The following SPATA7 variants were observed in gnomAD, a reference collection of about 807,000 sequenced individuals.
SPATA7 encodes spermatogenesis-associated protein 7.
SPATA7 carries 43 observed loss-of-function variants against 51.8 expected under a neutral mutation model. That is an observed-to-expected ratio of 0.83 (90% CI 0.65 to 1.07). The LOEUF (loss-of-function observed/expected upper bound fraction) is 1.07. Ranked by LOEUF, SPATA7 falls within the 50% of genes least tolerant of loss-of-function variation. SPATA7 has a pLI of 0.00. For synonymous variants in SPATA7, 230 were observed against 252.8 expected (o/e 0.91, Z 0.86); for missense variants, 683 against 701.3 (o/e 0.97, Z 0.30).
chr14:88,444,357 T>A (rs973923231), intron 3 of SPATA7, among the ~76,000 whole-genome samples: 20 of 152,164 alleles, frequency 1.3e-4, no homozygotes, highest in East Asian at 5.8e-4. Context: ...TAAATTTGTT[T>A]GAGTTCGTTG....
intron 3 of SPATA7, among the ~76,000 whole-genome samples, chr14:88,447,243 C>T (rs1235256724): frequency 6.7e-6 from 1 of 150,162 alleles, no homozygotes; most frequent in East Asian, 1.9e-4. Context: ...ATGTAATGGC[C>T]TTCTTTGTCT....
intron 4 of SPATA7, chr14:88,415,216 C>CTTG (rs201293945): frequency 0.017 from 6,011 of 348,486 alleles, 324 homozygotes; most frequent in African/African-American, 0.12. Flanking sequence ...TCTAGAAGTA[C>CTTG]TTGTATGAAT....
At chr14:88,446,658 C>T (rs1460133852) in intron 3 of SPATA7, among the ~76,000 whole-genome samples, 4 of 152,128 alleles carry the variant, frequency 2.6e-5, no homozygotes, top group African/African-American at 7.2e-5. Flanking sequence ...GCTTTGGATG[C>T]GTCCCAGAGA....
At chr14:88,425,666 A>G (rs2076769361) in intron 5 of SPATA7, among the ~76,000 whole-genome samples, 1 of 152,130 alleles carries the variant, frequency 6.6e-6, no homozygotes, top group African/African-American at 2.4e-5. Context: ...CCCCACCCCA[A>G]TGAAAAGAAG....
chr14:88,437,218 T>A (rs955645602), intron 10 of SPATA7, among the ~76,000 whole-genome samples: 3 of 151,980 alleles, frequency 2.0e-5, no homozygotes, highest in Non-Finnish European at 4.4e-5. Flanking sequence ...TGTGTGTGTG[T>A]GTGTGTAAAT....
At chr14:88,458,121 C>T (rs1407183447), downstream of SPATA7, among the ~76,000 whole-genome samples, 24 of 152,138 alleles carry the variant, frequency 1.6e-4, no homozygotes, top group South Asian at 1.5e-3. Context: ...CTGCTGGATT[C>T]GGTTTGCCAG....
intron 6 of SPATA7, 131 bp downstream of exon 6, chr14:88,426,835 T>A: frequency 1.2e-6 from 1 of 851,286 alleles, no homozygotes; most frequent in Non-Finnish European, 1.9e-6. Context: ...GAGATGAATG[T>A]GACTTTTCCT....
In SPATA7 at chr14:88,460,894, A is replaced by T. The variant is rs565229900; in HGVS notation, c.255-8953A>T. Among the ~76,000 whole-genome samples the T allele has an allele frequency of 1.5e-4, 23 of 152,256 alleles. No individual in the cohort carries two copies. The East Asian group carries it at 4.4e-3, about 29-fold the overall frequency. On this transcript the variant is annotated intron_variant, in intron 4 of 4. Coordinates refer to the SPATA7 transcript ENST00000556406. ...ACGTACAGATGGGGTTTTGATGTGG[A>T]TGTCCTTTCTGTTTGTTAGTTTTCC...
chr14:88,456,774 G>C (rs1041038728), downstream of SPATA7, among the ~76,000 whole-genome samples: 4 of 152,130 alleles, frequency 2.6e-5, no homozygotes, highest in African/African-American at 9.7e-5. Flanking sequence ...ATTGCTTTTG[G>C]TGTTTTAGAC....
At chr14:88,468,256 T>C (rs2140074891) in intron 4 of SPATA7, 1 of 1,600,706 alleles carries the variant, frequency 6.2e-7, no homozygotes, top group Non-Finnish European at 8.5e-7. Flanking sequence ...ACTCTCGGGA[T>C]GTCCAGCACC....
Position 88,394,758 on chromosome 14 carries a change from A to C in SPATA7, c.190+1270A>C, listed in dbSNP as rs149668436. On this transcript the variant is annotated intron_variant, in intron 3 of 11. Transcript: ENST00000393545. Reference sequence around the variant, plus strand: ...GTTTTCCAGAGTGAATATACCATTTACATTTCCATTACTTCTGCACCCTTA... The same window carrying C: ...GTTTTCCAGAGTGAATATACCATTTCCATTTCCATTACTTCTGCACCCTTA... Among the ~76,000 whole-genome samples, 185 of 152,306 alleles carry C rather than the reference A, an allele frequency of 1.2e-3. 2 individuals are homozygous for C. The East Asian group carries it at 0.026, about 22-fold the overall frequency.
At chr14:88,402,294 A>C (rs1438422002) in intron 4 of SPATA7, among the ~76,000 whole-genome samples, 1 of 152,206 alleles carries the variant, frequency 6.6e-6, no homozygotes, top group Non-Finnish European at 1.5e-5. Context: ...TAGAACAAAC[A>C]ATCGTAAAAT....
intron 4 of SPATA7, among the ~76,000 whole-genome samples, chr14:88,463,243 G>T (rs896547587): frequency 6.6e-6 from 1 of 152,112 alleles, no homozygotes; most frequent in Non-Finnish European, 1.5e-5. Context: ...AAAGGTAGGG[G>T]ACAGTTTTGC....
chr14:88,467,966 C>T, intron 4 of SPATA7: 1 of 878,962 alleles, frequency 1.1e-6, no homozygotes, highest in Non-Finnish European at 1.8e-6. Context: ...CCCTCTTCAG[C>T]CTGTGCTTCG....
At chr14:88,385,948 A>G (rs762948544) in intron 1 of SPATA7, 111 bp downstream of exon 1, 2 of 1,537,456 alleles carry the variant, frequency 1.3e-6, no homozygotes, top group East Asian at 4.9e-5. Flanking sequence ...GGCGCTTCCT[A>G]CCCCTGGCTG....
At chr14:88,422,006 G>T (rs910105128) in intron 5 of SPATA7, among the ~76,000 whole-genome samples, 26 of 151,424 alleles carry the variant, frequency 1.7e-4, no homozygotes, top group Admixed American at 8.5e-4. Context: ...ATGATGTGAA[G>T]AGTAAGAAGC....
rs2076978921 is a variant in SPATA7 at position 88,432,900 on chromosome 14, TGCAGA to T, written c.1083-234_1083-230del. On this transcript the variant is annotated intron_variant, in intron 9 of 11. Transcript: ENST00000393545. ...GCTTGTTTTTTACTGCTATGGATGTTGCAGATATCTGTGAAATTTTACTCTATTAG... is the reference window on the plus strand; with the variant it reads ...GCTTGTTTTTTACTGCTATGGATGTTTATCTGTGAAATTTTACTCTATTAG... 6.5e-6 allele frequency: 3 copies of T among 459,654 alleles called. No homozygotes were observed. In the South Asian group the frequency reaches 9.5e-5, roughly 15 times the overall value. 28.5% of individuals were successfully genotyped at this position (459,654 alleles called of 1,614,324 possible). A position where few individuals can be genotyped will look rare whatever the true frequency, so the allele number is the denominator to read the frequency against.
At chr14:88,391,549 C>A in intron 2 of SPATA7, 94 bp downstream of exon 2, 1 of 1,023,448 alleles carries the variant, frequency 9.8e-7, no homozygotes, top group East Asian at 2.6e-5. Flanking sequence ...AAAATTGTTT[C>A]ATTTGACGAA....
chr14:88,385,859 C>G (rs1474950752), intron 1 of SPATA7, 22 bp downstream of exon 1: 2 of 1,593,864 alleles, frequency 1.3e-6, no homozygotes, highest in Non-Finnish European at 1.7e-6. Context: ...CTGTCAGGGG[C>G]TACCGCCGCC....
Sources: allele counts gnomAD v4.1 joint callset (sites outside exome capture counted in the v4.1 genomes callset), GRCh38; gene constraint gnomAD v4.1.1; transcripts MANE v1.5; gene names NCBI Gene and HGNC (gene_info 2026-07-23, HGNC 2026-07-21).